Variants in CMYA5 observed in about 807,000 individuals in gnomAD.
The protein encoded by CMYA5 is cardiomyopathy associated 5.
A neutral mutation model predicts 318.9 loss-of-function variants in CMYA5; 246 were observed. The ratio of observed to expected loss-of-function variants is 0.77; its 90% CI spans 0.70 to 0.86. The LOEUF (loss-of-function observed/expected upper bound fraction) is 0.86. CMYA5 is among the 40% of genes least tolerant of loss of function. CMYA5 has a pLI of 0.00. For synonymous variants in CMYA5, 1,641 were observed against 1,729.5 expected (o/e 0.95, Z 1.27); for missense variants, 4,589 against 4,678.2 (o/e 0.98, Z 0.56).
intron 9 of CMYA5, among the ~76,000 whole-genome samples, chr5:79,787,580 G>A (rs1829103038): frequency 6.6e-6 from 1 of 152,148 alleles, no homozygotes; most frequent in Admixed American, 6.5e-5. Flanking sequence ...GTGTATCTAA[G>A]GACAGTCCTC....
chr5:79,698,931 G>A (rs761260343), intron 1 of CMYA5, among the ~76,000 whole-genome samples: 10 of 152,298 alleles, frequency 6.6e-5, no homozygotes, highest in Non-Finnish European at 1.5e-4. Context: ...GCTGAGGCAG[G>A]TAGATCACTT....
In CMYA5 at chr5:79,732,588, G is replaced by C; in HGVS notation, c.3823G>C (p.Glu1275Gln). The change falls in exon 2 of 13, where the codon GAG becomes CAG. Residue 1275 changes from glutamate to glutamine, a missense_variant. Glu to Gln is a conservative substitution (Grantham distance 29, BLOSUM62 2). Transcript: ENST00000446378. ...ELEQRKLSKN[E>Q]PEVIKPYSPL... ...AGAACAGAGAAAGTTGTCCAAGAATGAGCCTGAAGTAATAAAACCATATTC... is the reference window on the plus strand; with the variant it reads ...AGAACAGAGAAAGTTGTCCAAGAATCAGCCTGAAGTAATAAAACCATATTC... 1.2e-6 allele frequency: 2 copies of C among 1,613,016 alleles called. No homozygotes were observed. The highest frequency in any genetic ancestry group is 1.7e-6 in the Non-Finnish European group (2 of 1,179,490).
chr5:79,764,172 C>G (rs1439670877), intron 9 of CMYA5, among the ~76,000 whole-genome samples: 2 of 151,516 alleles, frequency 1.3e-5, no homozygotes, highest in African/African-American at 4.9e-5. Flanking sequence ...CCCAAAAAGG[C>G]CCCAGTGTGT....
intron 2 of CMYA5, 117 bp downstream of exon 2, chr5:79,739,520 G>A: frequency 1.2e-6 from 1 of 837,882 alleles, no homozygotes; most frequent in Non-Finnish European, 1.7e-6. Flanking sequence ...TAAGCAGAAT[G>A]GTCTGAAAGC....
In CMYA5 at chr5:79,738,220, C is replaced by T; in HGVS notation, c.9455C>T (p.Ser3152Leu). ...ACAAAGAGAGATGTGGACTCAAAGTCACCGGGGATGCCTTTATTTGAAGCA... is the reference window on the plus strand; with the variant it reads ...ACAAAGAGAGATGTGGACTCAAAGTTACCGGGGATGCCTTTATTTGAAGCA... ...KDTKRDVDSK[S>L]PGMPLFEAEE... The change falls in exon 2 of 13, where the codon TCA (serine) becomes TTA (leucine). Residue 3152 changes from serine (S) to leucine (L), a missense_variant. Physicochemically the swap from Ser to Leu is moderately radical, Grantham distance 145 (BLOSUM62 -2). This residue lies in a region of CMYA5 where 2,431 missense variants were observed against 2,495.1 expected (regional missense o/e 0.97). Transcript: ENST00000446378. The T allele has an allele frequency of 6.2e-7, 1 of 1,613,824 alleles. No individual in the cohort carries two copies. The highest frequency in any genetic ancestry group is 1.1e-5 in the South Asian group (1 of 91,070).
Position 79,729,095 on chromosome 5 carries a change from A to G in CMYA5, c.330A>G (p.Glu110=), listed in dbSNP as rs1827812123. 1.9e-6 allele frequency: 3 copies of G among 1,613,762 alleles called. No homozygotes were observed. The highest frequency in any genetic ancestry group is 3.3e-4 in the Middle Eastern group (2 of 6,060). The change falls in exon 2 of 13, where the codon GAA becomes GAG. Residue 110 remains glutamate, a synonymous_variant. Transcript: ENST00000446378. ...ESQTSGVCSR[E]GSTVNSPPGN... ...AGACTTCTGGTGTGTGTAGTCGGGA[A>G]GGGTCAACTGTGAATTCTCCTCCTG...
intron 9 of CMYA5, among the ~76,000 whole-genome samples, chr5:79,776,595 G>A (rs1828943198): frequency 2.0e-5 from 3 of 151,872 alleles, no homozygotes; most frequent in Admixed American, 6.6e-5. Context: ...TAGATTCAAA[G>A]GCCCCTCTTA....
At chr5:79,761,997 C>T (rs758215600) in intron 8 of CMYA5, 40 bp downstream of exon 8, 8 of 1,586,828 alleles carry the variant, frequency 5.0e-6, no homozygotes, top group Non-Finnish European at 6.0e-6. Flanking sequence ...GAAGACAACG[C>T]TCAGTTCTTC....
At position 79,790,999 on chromosome 5, in the gene CMYA5, G is replaced by T; in HGVS notation, c.11719G>T (p.Ala3907Ser). The T allele has an allele frequency of 1.9e-6, 3 of 1,613,876 alleles. No individual in the cohort carries two copies. Residue 3907 changes from alanine to serine, a missense_variant, in exon 11 of 13, where the codon GCT (alanine) becomes TCT (serine). Around this residue, in one of 3 missense-constraint regions of CMYA5, gnomAD observed 2,431 missense variants for 2,495.1 expected, o/e 0.97. Coordinates refer to ENST00000446378, the MANE Select transcript of CMYA5 (RefSeq NM_153610.5). ...GTRFLLLRET[A>S]HPALHISSSG... is the part of the protein sequence containing the mutation. ...CAGATTTCTCTTGTTGAGAGAAACA[G>T]CTCATCCTGCTCTACACATTTCCTC...
intron 1 of CMYA5, among the ~76,000 whole-genome samples, chr5:79,714,036 A>G (rs1827464712): frequency 6.6e-6 from 1 of 152,218 alleles, no homozygotes; most frequent in Non-Finnish European, 1.5e-5. Context: ...TAGGAAAGAC[A>G]GAATGATGGT....
In CMYA5 at chr5:79,736,394, T is replaced by A; in HGVS notation, c.7629T>A (p.Asn2543Lys). The part of the protein sequence containing the change: ...SEKEKGEEKE[N>K]QVYVLSEGKK... ...AGGAGAAAGGTGAAGAAAAAGAAAA[T>A]CAGGTATATGTGCTTTCAGAAGGAA... Residue 2543 changes from asparagine to lysine, a missense_variant, in exon 2 of 13, where the codon AAT becomes AAA. Transcript: ENST00000446378. The A allele has an allele frequency of 6.2e-7, 1 of 1,611,310 alleles. No individual in the cohort carries two copies. Among genetic ancestry groups the A allele is most frequent in the South Asian group, 1.1e-5 (1 of 90,722 alleles).
chr5:79,778,811 C>CTGTGTGTGTGTGTGTGTGTATGTGTGTG (rs1554037556), intron 9 of CMYA5, among the ~76,000 whole-genome samples: 6 of 85,020 alleles, frequency 7.1e-5, no homozygotes, highest in Admixed American at 6.5e-4. Flanking sequence ...CTCTCTCTTT[C>CTGTGTGTGTGTGTGTGTGTATGTGTGTG]TGTGTGTGTG....
At chr5:79,756,661 C>T (rs1828536447) in intron 6 of CMYA5, among the ~76,000 whole-genome samples, 1 of 152,166 alleles carries the variant, frequency 6.6e-6, no homozygotes, top group African/African-American at 2.4e-5. Flanking sequence ...ATTTTTTCAG[C>T]TCTTTATCGC....
At chr5:79,766,948 G>T (rs779390768) in intron 9 of CMYA5, among the ~76,000 whole-genome samples, 1 of 152,084 alleles carries the variant, frequency 6.6e-6, no homozygotes, top group Non-Finnish European at 1.5e-5. Context: ...GCTTTTTTTG[G>T]TTGGTAGGAT....
chr5:79,777,548 G>T (rs914592723), intron 9 of CMYA5, among the ~76,000 whole-genome samples: 3 of 152,092 alleles, frequency 2.0e-5, no homozygotes, highest in African/African-American at 7.2e-5. Context: ...GAGGTGAGTG[G>T]ATTGCCTGAG....
At position 79,799,868 on chromosome 5, in the gene CMYA5, A is replaced by C; in HGVS notation, c.*252A>C. ...TATATAAGTTTGAGTTCTTTCCTAA[A>C]TTAAAAGATCTACACTTGAGTTGGG... On this transcript the variant is annotated 3_prime_UTR_variant, in exon 13 of 13. Coordinates refer to ENST00000446378, the MANE Select transcript of CMYA5 (RefSeq NM_153610.5). 14 of 192,314 alleles carry C rather than the reference A, an allele frequency of 7.3e-5. No homozygotes were observed. The highest frequency in any genetic ancestry group is 2.3e-4 in the East Asian group (2 of 8,542). 11.9% of individuals were successfully genotyped at this position (192,314 alleles called of 1,614,324 possible).
intron 1 of CMYA5, among the ~76,000 whole-genome samples, chr5:79,709,064 G>T (rs1379645655): frequency 6.6e-6 from 1 of 152,136 alleles, no homozygotes; most frequent in African/African-American, 2.4e-5. Context: ...GTAAGAGCCG[G>T]CTCAGTGACA....
Position 79,736,356 on chromosome 5 carries a change from G to T in CMYA5, c.7591G>T (p.Val2531Phe). Reference sequence around the variant, plus strand: ...CTACAATGAAAGACCCAAAATCATTGTTGGTTCTGAAAAGGAGAAAGGTGA... The same window carrying T: ...CTACAATGAAAGACCCAAAATCATTTTTGGTTCTGAAAAGGAGAAAGGTGA... ...EDYNERPKII[V>F]GSEKEKGEEK... The change falls in exon 2 of 13, where the codon GTT (valine) becomes TTT (phenylalanine). Residue 2531 changes from valine to phenylalanine, a missense_variant. Physicochemically the swap from Val to Phe is conservative, Grantham distance 50. Coordinates refer to ENST00000446378, the MANE Select transcript of CMYA5 (RefSeq NM_153610.5). 6.2e-7 allele frequency: 1 copy of T among 1,613,532 alleles called. No homozygotes were observed. The highest frequency in any genetic ancestry group is 8.5e-7 in the Non-Finnish European group (1 of 1,179,732).
chr5:79,745,615 T>C (rs1172911108), intron 4 of CMYA5, among the ~76,000 whole-genome samples, 160 bp downstream of exon 4: 2 of 152,238 alleles, frequency 1.3e-5, no homozygotes, highest in African/African-American at 4.8e-5. Context: ...CTGATGCCTA[T>C]AGAAAAGGCC....
Sources: gnomAD v4.1 joint callset for allele counts (sites outside exome capture counted in the v4.1 genomes callset) on GRCh38, gnomAD v4.1.1 for gene constraint, gnomAD v4.1.1 regional missense constraint, MANE v1.5 for transcripts, NCBI Gene and HGNC (gene_info 2026-07-23, HGNC 2026-07-21) for gene names.